The following CCSER2 variants were observed in gnomAD, a reference collection of about 807,000 sequenced individuals.
CCSER2 encodes serine-rich coiled-coil domain-containing protein 2.
A neutral mutation model predicts 92.3 loss-of-function variants in CCSER2; 46 were observed. The ratio of observed to expected loss-of-function variants is 0.50; its 90% CI spans 0.39 to 0.64. The LOEUF (loss-of-function observed/expected upper bound fraction) is 0.64, where lower values mean the gene tolerates loss of function less well. Among genes scored for constraint, CCSER2 ranks in the 30% least tolerant of loss-of-function variants. The pLI, the probability that CCSER2 is intolerant of heterozygous loss-of-function variation, is 0.00. For missense variants in CCSER2, 1,244 were observed against 1,238.9 expected (o/e 1.00, Z -0.06); for synonymous variants, 433 against 431.4 (o/e 1.00, Z -0.04).
At chr10:84,342,402 G>A (rs943717204) in intron 1 of CCSER2, among the ~76,000 whole-genome samples, 1 of 152,106 alleles carries the variant, frequency 6.6e-6, no homozygotes, top group Non-Finnish European at 1.5e-5. Flanking sequence ...TTAGATAATT[G>A]TAAGACCTTT....
intron 3 of CCSER2, among the ~76,000 whole-genome samples, chr10:84,409,354 GGT>G (rs1842533424): frequency 6.6e-6 from 1 of 150,768 alleles, no homozygotes; most frequent in Non-Finnish European, 1.5e-5. Context: ...TGCCCAGGCT[GGT>G]CTCAAACTCC....
rs1349930089 is a variant in CCSER2, at chr10:84,516,721, T to C, written c.*2454T>C. Reference sequence around the variant, plus strand: ...TTATTTTTCTCTATTTTTTCCTCCATGTATTTACTCCATTTTTCTCTATTT... The same window carrying C: ...TTATTTTTCTCTATTTTTTCCTCCACGTATTTACTCCATTTTTCTCTATTT... On this transcript the variant is annotated 3_prime_UTR_variant, in exon 10 of 10. Coordinates refer to ENST00000372088, the MANE Select transcript of CCSER2 (RefSeq NM_001284240.2). 1.3e-5 allele frequency: 2 copies of C among 152,200 alleles called. No individual in the cohort carries two copies. The highest frequency in any genetic ancestry group is 2.4e-5 in the African/African-American group (1 of 41,446). The allele number at this position is 152,200 out of a possible 1,614,324, so 9.4% of individuals were successfully genotyped here.
chr10:84,457,334 A>G lies in CCSER2; in HGVS notation c.2065-6599A>G, dbSNP rs1170708339. 3.0e-4 allele frequency among the ~76,000 whole-genome samples: 14 copies of G among 46,284 alleles called. No individual in the cohort carries two copies. In the East Asian group the frequency reaches 3.8e-3, roughly 13 times the overall value. The allele number at this position is 46,284 out of a possible 152,430, so 30.4% of individuals were successfully genotyped here. A position where few individuals can be genotyped will look rare whatever the true frequency, so the allele number is the denominator to read the frequency against. On this transcript the variant is annotated intron_variant, in intron 6 of 9. Transcript: ENST00000372088. Reference sequence around the variant, plus strand: ...ATATATAATATATTATATATAATATATTATATATTATATATAATATATATA... The same window carrying G: ...ATATATAATATATTATATATAATATGTTATATATTATATATAATATATATA...
At chr10:84,348,940 A>G (rs1012521874) in intron 1 of CCSER2, among the ~76,000 whole-genome samples, 5 of 152,098 alleles carry the variant, frequency 3.3e-5, no homozygotes, top group African/African-American at 7.2e-5. Flanking sequence ...TTATCTCCTA[A>G]ATACTTCAAC....
chr10:84,394,709 T>A (rs1481199119), intron 3 of CCSER2, among the ~76,000 whole-genome samples: 1 of 120,124 alleles, frequency 8.3e-6, no homozygotes, highest in East Asian at 2.5e-4. Context: ...ACAAATTATA[T>A]TTATAAATCA....
At chr10:84,473,372 C>G (rs536081357) in intron 8 of CCSER2, among the ~76,000 whole-genome samples, 2 of 151,970 alleles carry the variant, frequency 1.3e-5, no homozygotes, top group East Asian at 3.9e-4. Flanking sequence ...AGGAGAACTT[C>G]GTGATATTTT....
chr10:84,345,256 A>G (rs1296918712), intron 1 of CCSER2, among the ~76,000 whole-genome samples: 1 of 152,228 alleles, frequency 6.6e-6, no homozygotes. Context: ...TATCACGTGC[A>G]TTATATTCCA....
At chr10:84,386,255 A>G (rs1299732205) in intron 3 of CCSER2, among the ~76,000 whole-genome samples, 2 of 152,248 alleles carry the variant, frequency 1.3e-5, no homozygotes, top group Non-Finnish European at 2.9e-5. Context: ...CCTAGAGGAA[A>G]AGAAGTTATT....
intron 1 of CCSER2, among the ~76,000 whole-genome samples, chr10:84,370,106 G>GT (rs1411016417): frequency 6.6e-6 from 1 of 151,524 alleles, no homozygotes; most frequent in Non-Finnish European, 1.5e-5. Context: ...TTGGTTTTTT[G>GT]TTTAAGATTG....
intron 9 of CCSER2, among the ~76,000 whole-genome samples, chr10:84,501,806 G>T (rs1589826667): frequency 3.0e-5 from 1 of 33,880 alleles, no homozygotes; most frequent in African/African-American, 6.2e-5. Flanking sequence ...GAGTTTGGAT[G>T]TATTAGTCAT....
At chr10:84,418,440 A>G (rs1842982317) in intron 4 of CCSER2, among the ~76,000 whole-genome samples, 2 of 152,036 alleles carry the variant, frequency 1.3e-5, no homozygotes, top group Admixed American at 1.3e-4. Flanking sequence ...TTTTTATCTT[A>G]AAGACTGTTG....
chr10:84,336,476 C>G (rs563700758), intron 1 of CCSER2, among the ~76,000 whole-genome samples: 1 of 152,276 alleles, frequency 6.6e-6, no homozygotes, highest in African/African-American at 2.4e-5. Flanking sequence ...GTAATAAAAA[C>G]TAGTATTTGA....
chr10:84,402,901 T>A (rs1842193107), intron 3 of CCSER2, among the ~76,000 whole-genome samples: 1 of 152,192 alleles, frequency 6.6e-6, no homozygotes, highest in African/African-American at 2.4e-5. Context: ...TTATAAAGAC[T>A]TAATGCAATT....
chr10:84,346,272 C>T (rs532869385), intron 1 of CCSER2, among the ~76,000 whole-genome samples: 2 of 152,098 alleles, frequency 1.3e-5, no homozygotes, highest in Non-Finnish European at 2.9e-5. Flanking sequence ...CTATGTTGGT[C>T]AGGCTGGTCT....
intron 3 of CCSER2, chr10:84,391,561 A>G (rs1373515972): frequency 4.7e-6 from 7 of 1,492,296 alleles, no homozygotes; most frequent in Admixed American, 1.7e-5. Flanking sequence ...ACAATGCCAC[A>G]TAGGCAGTTG....
At chr10:84,343,139 AT>A (rs1223451583) in intron 1 of CCSER2, among the ~76,000 whole-genome samples, 1 of 152,170 alleles carries the variant, frequency 6.6e-6, no homozygotes, top group African/African-American at 2.4e-5. Flanking sequence ...AAGTGGTGGG[AT>A]TACAGGTGTA....
chr10:84,407,513 G>A (rs562968132), intron 3 of CCSER2, among the ~76,000 whole-genome samples: 8 of 152,246 alleles, frequency 5.3e-5, no homozygotes, highest in African/African-American at 1.9e-4. Flanking sequence ...CTTTCGTCCT[G>A]TAGAGTCTAA....
Position 84,450,453 on chromosome 10 carries a change from A to G in CCSER2, c.2064+11746A>G, listed in dbSNP as rs141867680. Among the ~76,000 whole-genome samples, 46 of 152,334 alleles carry G rather than the reference A, an allele frequency of 3.0e-4. No homozygotes were observed. The East Asian group carries it at 8.3e-3, about 27-fold the overall frequency. The stretch of plus-strand genomic sequence containing the variant: ...TACACATGTAAATGCATACCTATTC[A>G]TGTATATATGTACTTGGTTGTGTTA... On this transcript the variant is annotated intron_variant, in intron 6 of 9. Transcript: ENST00000372088.
intron 5 of CCSER2, among the ~76,000 whole-genome samples, chr10:84,429,795 T>G (rs1478099954): frequency 6.6e-6 from 1 of 151,892 alleles, no homozygotes; most frequent in East Asian, 1.9e-4. Context: ...ACGTTCTTTC[T>G]GCCCCTCCCC....
Sources: allele counts gnomAD v4.1 joint callset (sites outside exome capture counted in the v4.1 genomes callset), GRCh38; gene constraint gnomAD v4.1.1; transcripts MANE v1.5; gene names NCBI Gene and HGNC (gene_info 2026-07-23, HGNC 2026-07-21).